The following VEGFB variants were observed in gnomAD, a reference collection of about 807,000 sequenced individuals.
The protein encoded by VEGFB is VEGF-related factor.
VEGFB carries 24 observed loss-of-function variants against 22.5 expected under a neutral mutation model. The observed-to-expected ratio is 1.07, with a 90% CI of 0.77 to 1.50. The LOEUF (loss-of-function observed/expected upper bound fraction) is 1.50. Ranked by LOEUF, VEGFB falls within the 40% of genes most tolerant of loss-of-function variation. The pLI is 0.00. For missense variants in VEGFB, 327 were observed against 287.8 expected, an observed-to-expected ratio of 1.14 and a Z score of -0.99; for synonymous variants, 141 against 117.4, an observed-to-expected ratio of 1.20 and a Z score of -1.30.
intron 6 of VEGFB, 132 bp from the exon 7 acceptor site, chr11:64,238,224 C>A: frequency 8.8e-7 from 1 of 1,138,842 alleles, no homozygotes. Flanking sequence ...CGCCCTGCAG[C>A]CTCCAGTGCC....
chr11:64,237,112 AGAGAGAGAGAG>A lies in VEGFB; in HGVS notation c.375-74_375-64del, dbSNP rs2030130757. ...GAGAGAGAGAGAGAGAGAGAGAGAG[AGAGAGAGAGAG>A]TAGGATGCTGGGATTTCCTGATCTT... On this transcript the variant is annotated intron_variant, in intron 4 of 6. Coordinates refer to ENST00000309422, the MANE Select transcript of VEGFB (RefSeq NM_003377.5). 4 of 912,102 alleles carry A rather than the reference AGAGAGAGAGAG, an allele frequency of 4.4e-6. 1 individual carries two copies. In the East Asian group the frequency reaches 1.1e-4, roughly 26 times the overall value. The allele number at this position is 912,102 out of a possible 1,614,324, so 56.5% of individuals were successfully genotyped here. A position where few individuals can be genotyped will look rare whatever the true frequency, so the allele number is the denominator to read the frequency against.
chr11:64,235,496 G>A lies in VEGFB; in HGVS notation c.99G>A (p.Arg33=), dbSNP rs1170301840. 3.7e-6 allele frequency: 6 copies of A among 1,613,920 alleles called. No individual in the cohort carries two copies. In the South Asian group the frequency reaches 5.5e-5, roughly 15 times the overall value. Residue 33 remains arginine (R), a synonymous_variant, in exon 2 of 7, where the codon AGG becomes AGA. Coordinates refer to ENST00000309422, the MANE Select transcript of VEGFB (RefSeq NM_003377.5). ...AGCCTGATGCCCCTGGCCACCAGAGGAAAGGTAATACTTACAAAAACTCGG... is the reference window on the plus strand; with the variant it reads ...AGCCTGATGCCCCTGGCCACCAGAGAAAAGGTAATACTTACAAAAACTCGG... ...VSQPDAPGHQ[R]KVVSWIDVYT...
At chr11:64,236,374 G>A in intron 4 of VEGFB, 47 bp downstream of exon 4, 1 of 1,583,522 alleles carries the variant, frequency 6.3e-7, no homozygotes, top group Non-Finnish European at 8.7e-7. Context: ...CAGGCTTGGG[G>A]GGTGCTGGGT....
chr11:64,239,219 C>T lies in VEGFB; in HGVS notation c.*886C>T, dbSNP rs2030295950. 1.3e-5 allele frequency among the ~76,000 whole-genome samples: 2 copies of T among 152,218 alleles called. No individual in the cohort carries two copies. The highest frequency in any genetic ancestry group is 4.1e-4 in the South Asian group (2 of 4,838). On this transcript the variant is annotated 3_prime_UTR_variant, in exon 7 of 7. Coordinates refer to ENST00000309422, the MANE Select transcript of VEGFB (RefSeq NM_003377.5). ...CCTCGGGCCCCAGAGAAGTTTGAGACTATCTTTACGTAATAGAAAAGAACA... is the reference window on the plus strand; with the variant it reads ...CCTCGGGCCCCAGAGAAGTTTGAGATTATCTTTACGTAATAGAAAAGAACA...
intron 6 of VEGFB, 108 bp from the exon 7 acceptor site, chr11:64,238,248 T>G (rs996280747): frequency 7.2e-7 from 1 of 1,385,666 alleles, no homozygotes; most frequent in African/African-American, 1.4e-5. Flanking sequence ...GGCCGAGTGG[T>G]GTGGCAGGAT....
At chr11:64,235,374 A>G in intron 1 of VEGFB, 84 bp from the exon 2 acceptor site, 1 of 1,307,160 alleles carries the variant, frequency 7.7e-7, no homozygotes, top group Non-Finnish European at 1.1e-6. Context: ...AAGCCTACTG[A>G]TGCAAGGGCA....
At position 64,238,924 on chromosome 11, in the gene VEGFB, C is replaced by G. The variant is rs1246230953; in HGVS notation, c.*591C>G. 6.2e-6 allele frequency: 1 copy of G among 160,380 alleles called. No individual in the cohort carries two copies. Among genetic ancestry groups the G allele is most frequent in the Non-Finnish European group, 1.4e-5 (1 of 71,718 alleles). The allele number at this position is 160,380 out of a possible 1,614,324, so 9.9% of individuals were successfully genotyped here. A position where few individuals can be genotyped will look rare whatever the true frequency, so the allele number is the denominator to read the frequency against. On this transcript the variant is annotated 3_prime_UTR_variant, in exon 7 of 7. Transcript: ENST00000309422. ...GGAAATGAGGACTAAGGCCCCACAGCAGATCCCAGGCAGGGCCAGAATTAT... is the reference window on the plus strand; with the variant it reads ...GGAAATGAGGACTAAGGCCCCACAGGAGATCCCAGGCAGGGCCAGAATTAT...
Position 64,237,525 on chromosome 11 carries a change from AG to A in VEGFB, c.518del (p.Gly173AlafsTer14). 1 of 1,610,722 alleles carries A rather than the reference AG, an allele frequency of 6.2e-7. No homozygotes were observed. The highest frequency in any genetic ancestry group is 8.5e-7 in the Non-Finnish European group (1 of 1,179,764). On this transcript the variant is annotated frameshift_variant, in exon 6 of 7. Coordinates refer to ENST00000309422, the MANE Select transcript of VEGFB (RefSeq NM_003377.5). LOFTEE classifies it high-confidence loss of function. ...ACATCACCCATCCCACTCCAGCCCCAGGCCCCTCTGCCCACGCTGCACCCAG... is the reference window on the plus strand; with the variant it reads ...ACATCACCCATCCCACTCCAGCCCCAGCCCCTCTGCCCACGCTGCACCCAG... ...ADITHPTPAPGPSAHAAPSTT... is the reference protein window; with the variant it reads ...ADITHPTPAPXPSAHAAPSTT...
At chr11:64,236,777 G>T (rs1285393569) in intron 4 of VEGFB, among the ~76,000 whole-genome samples, 3 of 144,480 alleles carry the variant, frequency 2.1e-5, no homozygotes, top group Non-Finnish European at 4.6e-5. Flanking sequence ...TGGATCTGGG[G>T]CAACAAAGTA....
In VEGFB at chr11:64,235,938, C is replaced by T. The variant is rs139094226; in HGVS notation, c.229C>T (p.Arg77Cys). The stretch of plus-strand genomic sequence containing the variant: ...GGTGCCCAGCTGCGTGACTGTGCAG[C>T]GCTGTGGTGGCTGCTGCCCTGACGA... Reference protein sequence around the residue: ...QLVPSCVTVQRCGGCCPDDGL... With the variant: ...QLVPSCVTVQCCGGCCPDDGL... Residue 77 changes from arginine to cysteine, a missense_variant, in exon 3 of 7, where the codon CGC becomes TGC. Arg to Cys is a radical substitution (Grantham distance 180). Coordinates refer to ENST00000309422, the MANE Select transcript of VEGFB (RefSeq NM_003377.5). The T allele has an allele frequency of 8.7e-6, 14 of 1,613,014 alleles. No homozygotes were observed. The highest frequency in any genetic ancestry group is 2.7e-5 in the African/African-American group (2 of 75,050).
chr11:64,236,351 A>C, intron 4 of VEGFB, 24 bp downstream of exon 4: 2 of 1,611,638 alleles, frequency 1.2e-6, no homozygotes, highest in Non-Finnish European at 1.7e-6. Context: ...CCAACTTCTG[A>C]GCTCGCAGAG....
At position 64,237,127 on chromosome 11, in the gene VEGFB, G is replaced by GAT. The variant is rs1565318111; in HGVS notation, c.375-59_375-58dup. 30 of 813,178 alleles carry GAT rather than the reference G, an allele frequency of 3.7e-5. 1 individual carries two copies. Among genetic ancestry groups the GAT allele is most frequent in the African/African-American group, 3.6e-4 (17 of 47,320 alleles). The allele number at this position is 813,178 out of a possible 1,614,324, so 50.4% of individuals were successfully genotyped here. A position where few individuals can be genotyped will look rare whatever the true frequency, so the allele number is the denominator to read the frequency against. On this transcript the variant is annotated intron_variant, in intron 4 of 6. Transcript: ENST00000309422. Reference sequence around the variant, plus strand: ...AGAGAGAGAGAGAGAGAGAGAGTAGGATGCTGGGATTTCCTGATCTTCCTC... The same window carrying GAT: ...AGAGAGAGAGAGAGAGAGAGAGTAGGATATGCTGGGATTTCCTGATCTTCCTC...
intron 6 of VEGFB, chr11:64,237,940 G>A (rs4930152): frequency 0.25 from 122,351 of 489,414 alleles, 17,631 homozygotes; most frequent in Non-Finnish European, 0.31. Flanking sequence ...ATCTCTTGGA[G>A]GAGGTGACAT....
chr11:64,237,285 T>G, intron 5 of VEGFB, 63 bp downstream of exon 5: 2 of 1,546,620 alleles, frequency 1.3e-6, no homozygotes, highest in Non-Finnish European at 1.8e-6. Context: ...CAGAAGCTGT[T>G]GCTCCTCTTT....
rs775832675 is a variant in VEGFB at position 64,237,448 on chromosome 11, C to T, written c.439C>T (p.Pro147Ser). The change falls in exon 6 of 7, where the codon CCC becomes TCC. Residue 147 changes from proline (P) to serine (S), a missense_variant. Coordinates refer to ENST00000309422, the MANE Select transcript of VEGFB (RefSeq NM_003377.5). ...TGCCACTCCCCACCACCGTCCCCAG[C>T]CCCGTTCTGTTCCGGGCTGGGACTC... ...RAATPHHRPQ[P>S]RSVPGWDSAP... is the part of the protein sequence containing the mutation. 6 of 1,608,656 alleles carry T rather than the reference C, an allele frequency of 3.7e-6. No homozygotes were observed. The African/African-American group carries it at 6.7e-5, about 18-fold the overall frequency.
At position 64,238,456 on chromosome 11, in the gene VEGFB, A is replaced by G; in HGVS notation, c.*123A>G. The G allele has an allele frequency of 1.3e-6, 2 of 1,523,562 alleles. No homozygotes were observed. The highest frequency in any genetic ancestry group is 1.8e-6 in the Non-Finnish European group (2 of 1,135,786). The allele number at this position is 1,523,562 out of a possible 1,614,324, so 94.4% of individuals were successfully genotyped here. On this transcript the variant is annotated 3_prime_UTR_variant, in exon 7 of 7. Transcript: ENST00000309422. ...TGGGGGAACAAAGAGGAGCCTGGTA[A>G]AAAACAGCCAAGCCCCCAAGACCTC...
In VEGFB at chr11:64,237,081, CTCAAA is replaced by C. The variant is rs1365774994; in HGVS notation, c.375-105_375-101del. On this transcript the variant is annotated intron_variant, in intron 4 of 6. Coordinates refer to ENST00000309422, the MANE Select transcript of VEGFB (RefSeq NM_003377.5). ...CTGGGCAAGAAGAGGGAAACACAGTCTCAAAGAGAGAGAGAGAGAGAGAGAGAGAG... is the reference window on the plus strand; with the variant it reads ...CTGGGCAAGAAGAGGGAAACACAGTCGAGAGAGAGAGAGAGAGAGAGAGAG... 1,870 of 698,474 alleles carry C rather than the reference CTCAAA, an allele frequency of 2.7e-3. 131 individuals are homozygous for C. The highest frequency in any genetic ancestry group is 7.3e-3 in the African/African-American group (256 of 34,880). 43.3% of individuals were successfully genotyped at this position (698,474 alleles called of 1,614,324 possible).
rs765698037 is a variant in VEGFB at position 64,235,513 on chromosome 11, A to C, written c.103+13A>C. ...CACCAGAGGAAAGGTAATACTTACA[A>C]AAACTCGGCACTAGCCAGCACTAAG... is the stretch of plus-strand genomic sequence containing the variant. On this transcript the variant is annotated intron_variant, in intron 2 of 6. Transcript: ENST00000309422. 1 of 1,613,800 alleles carries C rather than the reference A, an allele frequency of 6.2e-7. No homozygotes were observed. The highest frequency in any genetic ancestry group is 1.1e-5 in the South Asian group (1 of 91,086).
In VEGFB at chr11:64,237,123, G is replaced by GA. The variant is rs1555056104; in HGVS notation, c.375-64_375-63insA. 2.3e-3 allele frequency: 1,504 copies of GA among 662,602 alleles called. 149 individuals are homozygous for GA. Among genetic ancestry groups the GA allele is most frequent in the African/African-American group, 0.02 (787 of 39,682 alleles). 41.0% of individuals were successfully genotyped at this position (662,602 alleles called of 1,614,324 possible). On this transcript the variant is annotated intron_variant, in intron 4 of 6. Coordinates refer to ENST00000309422, the MANE Select transcript of VEGFB (RefSeq NM_003377.5). ...AGAGAGAGAGAGAGAGAGAGAGAGAGTAGGATGCTGGGATTTCCTGATCTT... is the reference window on the plus strand; with the variant it reads ...AGAGAGAGAGAGAGAGAGAGAGAGAGATAGGATGCTGGGATTTCCTGATCTT...
Sources: allele counts gnomAD v4.1 joint callset (sites outside exome capture counted in the v4.1 genomes callset), GRCh38; gene constraint gnomAD v4.1.1; transcripts MANE v1.5; gene names NCBI Gene and HGNC (gene_info 2026-07-23, HGNC 2026-07-21).